Variants in VPS37A observed in about 807,000 individuals in gnomAD.
VPS37A encodes the protein vacuolar protein sorting-associated protein 37A.
VPS37A carries 30 observed loss-of-function variants against 49.8 expected under a neutral mutation model. That is an observed-to-expected ratio of 0.60 (90% confidence interval 0.45 to 0.82). VPS37A has a LOEUF of 0.82. Among genes scored for constraint, VPS37A ranks in the 40% least tolerant of loss-of-function variants. The pLI is 0.00. For missense variants in VPS37A, 593 were observed against 464.4 expected, an observed-to-expected ratio of 1.28 and a Z score of -2.55; for synonymous variants, 195 against 160.6, an observed-to-expected ratio of 1.21 and a Z score of -1.62.
downstream of VPS37A, chr8:17,304,335 C>G (rs1320068647): frequency 6.3e-7 from 1 of 1,592,222 alleles, no homozygotes; most frequent in East Asian, 2.3e-5. Context: ...GTACCAGAAT[C>G]CAAGTTCATA....
chr8:17,250,776 AT>A (rs1252399832), intron 1 of VPS37A, among the ~76,000 whole-genome samples: 11 of 152,188 alleles, frequency 7.2e-5, no homozygotes, highest in Admixed American at 3.3e-4. Flanking sequence ...TACAAAAAAA[AT>A]AGGTGAATTT....
chr8:17,299,688 C>G (rs919253646), downstream of VPS37A: 2 of 780,208 alleles, frequency 2.6e-6, no homozygotes, highest in Admixed American at 5.8e-5. Context: ...TGACTACGTC[C>G]TCTTCAGTAT....
chr8:17,324,931 T>TCACATCTG, the VPS37A span, among the ~76,000 whole-genome samples: 1 of 152,130 alleles, frequency 6.6e-6, no homozygotes, highest in Non-Finnish European at 1.5e-5. Flanking sequence ...TTTCATTAGC[T>TCACATCTG]CACATCTGGT....
chr8:17,279,517 C>T (rs112796069), intron 6 of VPS37A, among the ~76,000 whole-genome samples: 157 of 152,180 alleles, frequency 1.0e-3, no homozygotes, highest in African/African-American at 3.6e-3. Context: ...TTAAATTTTA[C>T]ATATCAGTAA....
the VPS37A span, among the ~76,000 whole-genome samples, chr8:17,315,289 G>C: frequency 6.6e-6 from 1 of 152,098 alleles, no homozygotes; most frequent in African/African-American, 2.4e-5. Context: ...TCCTAGAAAA[G>C]GCAAAACTAC....
At chr8:17,264,297 C>T (rs912887644) in intron 1 of VPS37A, among the ~76,000 whole-genome samples, 2 of 152,090 alleles carry the variant, frequency 1.3e-5, no homozygotes, top group African/African-American at 2.4e-5. Flanking sequence ...GTATTTATTT[C>T]CTTGAACAAT....
At chr8:17,262,637 A>T (rs1813064008) in intron 1 of VPS37A, among the ~76,000 whole-genome samples, 1 of 152,136 alleles carries the variant, frequency 6.6e-6, no homozygotes, top group South Asian at 2.1e-4. Flanking sequence ...CAGTATAAAG[A>T]TATGGTTATA....
intron 5 of VPS37A, among the ~76,000 whole-genome samples, chr8:17,275,655 A>G (rs1265646823): frequency 1.3e-5 from 2 of 152,208 alleles, no homozygotes; most frequent in South Asian, 4.1e-4. Context: ...AACTGTTGCT[A>G]TGTGGAATGT....
At chr8:17,276,332 A>C in intron 5 of VPS37A, 65 bp from the exon 6 acceptor site, 1 of 1,267,028 alleles carries the variant, frequency 7.9e-7, no homozygotes, top group Non-Finnish European at 1.1e-6. Context: ...GATTACGTTT[A>C]TTAGTAATTG....
At chr8:17,278,277 C>A (rs1180270344) in intron 6 of VPS37A, among the ~76,000 whole-genome samples, 2 of 152,026 alleles carry the variant, frequency 1.3e-5, no homozygotes, top group African/African-American at 4.8e-5. Context: ...CACCTGAAAT[C>A]ATTGACCATC....
intron 4 of VPS37A, among the ~76,000 whole-genome samples, chr8:17,271,415 C>G (rs1259648377): frequency 1.3e-5 from 2 of 152,124 alleles, no homozygotes; most frequent in African/African-American, 4.8e-5. Context: ...ACCATCCTGG[C>G]TAACACGGTG....
At chr8:17,332,424 G>C in the VPS37A span, among the ~76,000 whole-genome samples, 26 of 152,234 alleles carry the variant, frequency 1.7e-4, no homozygotes, top group East Asian at 5.0e-3. Flanking sequence ...ATCTCAATAG[G>C]ACAATGACAG....
downstream of VPS37A, chr8:17,299,072 G>A (rs991973400): frequency 6.6e-6 from 1 of 152,168 alleles, no homozygotes; most frequent in African/African-American, 2.4e-5. Flanking sequence ...CGGTAGTGTA[G>A]TCTCTAGAAC....
At chr8:17,283,797 T>G (rs1188809300) in intron 9 of VPS37A, among the ~76,000 whole-genome samples, 1 of 152,192 alleles carries the variant, frequency 6.6e-6, no homozygotes, top group African/African-American at 2.4e-5. Context: ...TAAGATTGTT[T>G]TGGCTATTTG....
At chr8:17,284,377 T>A (rs1815388249) in intron 9 of VPS37A, 96 bp from the exon 10 acceptor site, 4 of 1,401,248 alleles carry the variant, frequency 2.9e-6, no homozygotes, top group Non-Finnish European at 9.4e-7. Flanking sequence ...GGGCATATAA[T>A]AAATTGCCTC....
At chr8:17,325,451 C>T in the VPS37A span, among the ~76,000 whole-genome samples, 1 of 152,192 alleles carries the variant, frequency 6.6e-6, no homozygotes, top group Non-Finnish European at 1.5e-5. Context: ...AGTCAATGCC[C>T]ATCATGTCAG....
intron 11 of VPS37A, chr8:17,286,689 T>A: frequency 2.9e-6 from 1 of 345,734 alleles, no homozygotes; most frequent in Non-Finnish European, 5.3e-6. Context: ...TTGTAAGTTA[T>A]AGTCAGTTCC....
the VPS37A span, chr8:17,309,332 C>A: frequency 6.5e-7 from 1 of 1,546,252 alleles, no homozygotes; most frequent in Non-Finnish European, 8.9e-7. Flanking sequence ...AATACCTACA[C>A]AAGAAAGAAT....
chr8:17,270,332 G>A (rs1813856593), intron 4 of VPS37A, among the ~76,000 whole-genome samples: 1 of 152,292 alleles, frequency 6.6e-6, no homozygotes, highest in South Asian at 2.1e-4. Context: ...TTAGGGACCA[G>A]TGGCGATAAC....
Sources: allele counts gnomAD v4.1 joint callset (sites outside exome capture counted in the v4.1 genomes callset), GRCh38; gene constraint gnomAD v4.1.1; transcripts MANE v1.5; gene names NCBI Gene and HGNC (gene_info 2026-07-23, HGNC 2026-07-21).